Variants in KCNIP1 observed in about 807,000 individuals in gnomAD.
KCNIP1 encodes the protein potassium voltage-gated channel interacting protein 1.
KCNIP1 carries 18 observed loss-of-function variants against 33.0 expected under a neutral mutation model. The observed-to-expected ratio is 0.55, with a 90% CI of 0.38 to 0.81. KCNIP1 has a LOEUF of 0.81. KCNIP1 is among the 30% of genes least tolerant of loss of function. The pLI, the probability that KCNIP1 is intolerant of heterozygous loss-of-function variation, is 0.00. For missense variants in KCNIP1, 238 were observed against 271.6 expected (o/e 0.88, Z 0.87); for synonymous variants, 93 against 98.3 (o/e 0.95, Z 0.32).
chr5:170,359,199 G>A (rs1763435398), intron 1 of KCNIP1, among the ~76,000 whole-genome samples: 1 of 152,164 alleles, frequency 6.6e-6, no homozygotes, highest in Non-Finnish European at 1.5e-5. Context: ...AGTAGGCTCT[G>A]TCCCATGAGG....
intron 1 of KCNIP1, among the ~76,000 whole-genome samples, chr5:170,660,379 A>C (rs1761430218): frequency 6.6e-6 from 1 of 152,190 alleles, no homozygotes; most frequent in African/African-American, 2.4e-5. Context: ...TATAAAAAAA[A>C]AAAAAAACAT....
chr5:170,396,868 G>T (rs1220679599), intron 1 of KCNIP1, among the ~76,000 whole-genome samples: 4 of 152,212 alleles, frequency 2.6e-5, no homozygotes, highest in Non-Finnish European at 5.9e-5. Context: ...GACTTAGAAA[G>T]GGAAGGGGAG....
intron 1 of KCNIP1, among the ~76,000 whole-genome samples, chr5:170,435,836 C>A (rs968578017): frequency 2.0e-5 from 3 of 152,120 alleles, no homozygotes; most frequent in African/African-American, 7.2e-5. Context: ...GGACAGGTAC[C>A]TGGAATTTCT....
chr5:170,705,965 A>G (rs1763245077), intron 1 of KCNIP1, among the ~76,000 whole-genome samples: 1 of 152,226 alleles, frequency 6.6e-6, no homozygotes, highest in African/African-American at 2.4e-5. Context: ...TTACAGCTGC[A>G]AGGTGGGTAT....
chr5:170,685,935 A>T lies in KCNIP1; in HGVS notation c.62-32823A>T, dbSNP rs181776909. ...AATATTCAGCTCATCTGATTTTTTAATGACATTTCCTTTTTATTTATATTC... is the reference window on the plus strand; with the variant it reads ...AATATTCAGCTCATCTGATTTTTTATTGACATTTCCTTTTTATTTATATTC... On this transcript the variant is annotated intron_variant, in intron 1 of 7. Transcript: ENST00000328939. Among the ~76,000 whole-genome samples the T allele has an allele frequency of 1.8e-3, 277 of 152,326 alleles. 5 individuals are homozygous for T. The highest frequency in any genetic ancestry group is 4.2e-3 in the East Asian group (22 of 5,190).
At chr5:170,384,754 T>A (rs552326279) in intron 1 of KCNIP1, among the ~76,000 whole-genome samples, 7 of 152,212 alleles carry the variant, frequency 4.6e-5, no homozygotes, top group Admixed American at 1.3e-4. Context: ...GTGGTTGATA[T>A]GTCATGGAGC....
intron 1 of KCNIP1, among the ~76,000 whole-genome samples, chr5:170,409,617 C>T (rs747516105): frequency 7.9e-5 from 12 of 152,114 alleles, no homozygotes; most frequent in Non-Finnish European, 1.6e-4. Flanking sequence ...GGCTTATGGC[C>T]CGTTCCAGAG....
intron 1 of KCNIP1, among the ~76,000 whole-genome samples, chr5:170,632,505 G>C (rs1022681907): frequency 5.9e-5 from 9 of 152,250 alleles, no homozygotes; most frequent in African/African-American, 2.2e-4. Flanking sequence ...CAACAGAGGC[G>C]GGAGATGAGG....
intron 1 of KCNIP1, among the ~76,000 whole-genome samples, chr5:170,693,381 T>C (rs1031693481): frequency 6.6e-6 from 1 of 152,138 alleles, no homozygotes; most frequent in Non-Finnish European, 1.5e-5. Flanking sequence ...GGAAATGAAA[T>C]AAGCTGCCAT....
chr5:170,425,494 T>C (rs978827375), intron 1 of KCNIP1, among the ~76,000 whole-genome samples: 2 of 152,122 alleles, frequency 1.3e-5, no homozygotes, highest in African/African-American at 4.8e-5. Flanking sequence ...TAGGAGGCCC[T>C]TTGGGGTTCC....
At chr5:170,589,788 A>C (rs62394313) in intron 1 of KCNIP1, among the ~76,000 whole-genome samples, 5,662 of 111,758 alleles carry the variant, frequency 0.051, 336 homozygotes, top group African/African-American at 0.17. Flanking sequence ...GTGTGATGTG[A>C]TGTGGTGTGC....
chr5:170,448,137 T>A (rs1277769949), intron 1 of KCNIP1, among the ~76,000 whole-genome samples: 1 of 152,002 alleles, frequency 6.6e-6, no homozygotes, highest in East Asian at 1.9e-4. Flanking sequence ...ATCTATTTCA[T>A]CATTGTTAGT....
chr5:170,610,593 T>G (rs1759107147), intron 1 of KCNIP1, among the ~76,000 whole-genome samples: 1 of 152,234 alleles, frequency 6.6e-6, no homozygotes, highest in Admixed American at 6.5e-5. Flanking sequence ...GGTGCACCTT[T>G]CATTAACTGA....
At position 170,446,948 on chromosome 5, in the gene KCNIP1, T is replaced by C. The variant is rs192250294; in HGVS notation, c.88+92984T>C. On this transcript the variant is annotated intron_variant, in intron 1 of 7. Coordinates refer to the KCNIP1 transcript ENST00000377360. ...CTCTCTCTACATGCCGAAAGAGTAA[T>C]AGGTGTTCCTGCATTAAGCAATGGC... 3.7e-3 allele frequency among the ~76,000 whole-genome samples: 567 copies of C among 152,318 alleles called. 4 individuals carry two copies. The highest frequency in any genetic ancestry group is 0.013 in the African/African-American group (540 of 41,580).
intron 1 of KCNIP1, among the ~76,000 whole-genome samples, chr5:170,596,951 T>G (rs1224294740): frequency 6.6e-6 from 1 of 152,188 alleles, no homozygotes; most frequent in Non-Finnish European, 1.5e-5. Context: ...GCACCAGTAT[T>G]GAATAGGTAT....
chr5:170,542,190 C>A (rs1756234614), intron 1 of KCNIP1, among the ~76,000 whole-genome samples: 1 of 152,196 alleles, frequency 6.6e-6, no homozygotes, highest in Non-Finnish European at 1.5e-5. Flanking sequence ...TTACTAAGCA[C>A]CTACTATGTG....
chr5:170,693,697 T>A (rs573660472), intron 1 of KCNIP1, among the ~76,000 whole-genome samples: 15 of 152,336 alleles, frequency 9.8e-5, no homozygotes, highest in African/African-American at 3.1e-4. Flanking sequence ...AATGCTGAAA[T>A]TTTTCAATTA....
chr5:170,721,730 C>T (rs754590664), intron 3 of KCNIP1, 103 bp from the exon 4 acceptor site: 2 of 1,613,742 alleles, frequency 1.2e-6, no homozygotes, highest in East Asian at 4.5e-5. Context: ...ATCACCCTAG[C>T]ATCACTCTCC....
At chr5:170,373,358 G>A (rs1035813509) in intron 1 of KCNIP1, among the ~76,000 whole-genome samples, 1 of 152,122 alleles carries the variant, frequency 6.6e-6, no homozygotes, top group Non-Finnish European at 1.5e-5. Flanking sequence ...GTGTGGGAGG[G>A]GCCTGGAGGC....
Sources: gnomAD v4.1 joint callset for allele counts (sites outside exome capture counted in the v4.1 genomes callset) on GRCh38, gnomAD v4.1.1 for gene constraint, MANE v1.5 for transcripts, NCBI Gene and HGNC (gene_info 2026-07-23, HGNC 2026-07-21) for gene names.